The following DROSHA variants were observed in gnomAD, a reference collection of about 807,000 sequenced individuals.
DROSHA encodes the protein ribonuclease 3.
Under a neutral mutation model 181.9 loss-of-function variants are expected in DROSHA, and 56 were observed. That is an observed-to-expected ratio of 0.31 (90% CI 0.25 to 0.38). The LOEUF is 0.38. DROSHA is among the 10% of genes least tolerant of loss of function. DROSHA has a pLI of 1.00. For missense variants in DROSHA, 1,218 were observed against 1,743.5 expected (o/e 0.70, Z 5.37); for synonymous variants, 524 against 591.2 (o/e 0.89, Z 1.65).
intron 13 of DROSHA, among the ~76,000 whole-genome samples, chr5:31,490,549 T>C (rs1437190862): frequency 6.6e-6 from 1 of 152,138 alleles, no homozygotes; most frequent in Non-Finnish European, 1.5e-5. Flanking sequence ...ATGTACTACA[T>C]AAAAAGGTAA....
intron 16 of DROSHA, among the ~76,000 whole-genome samples, chr5:31,480,988 C>T (rs1750968749): frequency 6.6e-6 from 1 of 152,026 alleles, no homozygotes; most frequent in African/African-American, 2.4e-5. Flanking sequence ...TAAAAATATC[C>T]ATCTGCTCAA....
chr5:31,410,543 T>C (rs776643700), intron 31 of DROSHA, among the ~76,000 whole-genome samples: 1 of 152,184 alleles, frequency 6.6e-6, no homozygotes, highest in Non-Finnish European at 1.5e-5. Flanking sequence ...TGAACATAGA[T>C]TGAACATAAA....
intron 20 of DROSHA, among the ~76,000 whole-genome samples, chr5:31,459,432 AAAAAT>A (rs1307542463): frequency 6.6e-5 from 10 of 151,850 alleles, no homozygotes; most frequent in African/African-American, 2.4e-4. Flanking sequence ...AAAAAAAAAA[AAAAAT>A]CTCTCTCAGG....
intron 8 of DROSHA, among the ~76,000 whole-genome samples, chr5:31,511,493 G>C (rs751257661): frequency 6.6e-6 from 1 of 151,990 alleles, no homozygotes; most frequent in African/African-American, 2.4e-5. Context: ...ATTGCTCGAG[G>C]CCAGGAGTTC....
intron 20 of DROSHA, among the ~76,000 whole-genome samples, chr5:31,455,679 T>C: frequency 6.6e-6 from 1 of 151,584 alleles, no homozygotes; most frequent in East Asian, 1.9e-4. Context: ...CTCACTCTGT[T>C]ACCCAGTTTG....
At chr5:31,420,813 C>T (rs1236071274) in intron 30 of DROSHA, among the ~76,000 whole-genome samples, 1 of 152,206 alleles carries the variant, frequency 6.6e-6, no homozygotes, top group Non-Finnish European at 1.5e-5. Context: ...CTAAACTGCA[C>T]AAGTACAGCA....
intron 10 of DROSHA, among the ~76,000 whole-genome samples, chr5:31,505,463 T>A (rs549341318): frequency 1.3e-5 from 2 of 152,254 alleles, no homozygotes; most frequent in South Asian, 4.1e-4. Context: ...AAGGTCCACA[T>A]CATGCTCTGG....
At chr5:31,428,890 C>T (rs1367347145) in intron 27 of DROSHA, among the ~76,000 whole-genome samples, 1 of 152,134 alleles carries the variant, frequency 6.6e-6, no homozygotes, top group Non-Finnish European at 1.5e-5. Context: ...AAAGGTGTCT[C>T]TGGCAATATT....
chr5:31,506,800 AG>A (rs1738025848), intron 10 of DROSHA, among the ~76,000 whole-genome samples: 2 of 152,280 alleles, frequency 1.3e-5, no homozygotes, highest in South Asian at 4.1e-4. Flanking sequence ...ACGGATCTCC[AG>A]GGAAGCAGAG....
At position 31,470,667 on chromosome 5, in the gene DROSHA, A is replaced by G. The variant is rs1280778260; in HGVS notation, c.2241+1396T>C. Reference sequence around the variant, plus strand: ...AAAACTGGGCCTCACTGCCTGGAGTATATAAGGTAGCTATATCCTTAAGCC... The same window carrying G: ...AAAACTGGGCCTCACTGCCTGGAGTGTATAAGGTAGCTATATCCTTAAGCC... On this transcript the variant is annotated intron_variant, in intron 17 of 35. Coordinates refer to ENST00000344624, the MANE Select transcript of DROSHA (RefSeq NM_001382508.1). The surrounding 1 kb of genome is among the most constrained non-coding windows in gnomAD (Gnocchi z 4.0). Among the ~76,000 whole-genome samples, 4 of 152,178 alleles carry G rather than the reference A, an allele frequency of 2.6e-5. No individual in the cohort carries two copies. The highest frequency in any genetic ancestry group is 5.9e-5 in the Non-Finnish European group (4 of 68,034).
chr5:31,430,119 C>T (rs1743990461), intron 26 of DROSHA, among the ~76,000 whole-genome samples: 1 of 152,154 alleles, frequency 6.6e-6, no homozygotes, highest in Admixed American at 6.5e-5. Context: ...CAATGGAGTA[C>T]TCATATTTTC....
At chr5:31,406,672 G>A (rs1740697873) in intron 34 of DROSHA, among the ~76,000 whole-genome samples, 181 bp downstream of exon 34, 1 of 152,044 alleles carries the variant, frequency 6.6e-6, no homozygotes, top group Non-Finnish European at 1.5e-5. Context: ...CATGGTCCAG[G>A]GCTCGGCTTT....
At chr5:31,441,168 T>C (rs1232090834) in intron 23 of DROSHA, among the ~76,000 whole-genome samples, 2 of 151,716 alleles carry the variant, frequency 1.3e-5, no homozygotes, top group Non-Finnish European at 1.5e-5. Context: ...CTGTAATCCT[T>C]TGGGAGACTG....
At chr5:31,455,932 G>A (rs981101803) in intron 20 of DROSHA, among the ~76,000 whole-genome samples, 2 of 152,152 alleles carry the variant, frequency 1.3e-5, no homozygotes, top group Non-Finnish European at 2.9e-5. Flanking sequence ...GTGAGTACCT[G>A]TACCTGACCA....
intron 3 of DROSHA, 114 bp downstream of exon 3, chr5:31,530,684 C>A: frequency 3.2e-6 from 1 of 315,918 alleles, no homozygotes; most frequent in Non-Finnish European, 5.7e-6. Flanking sequence ...CAGTGATTTT[C>A]TATCCATCTA....
intron 28 of DROSHA, among the ~76,000 whole-genome samples, chr5:31,424,142 TTGG>T (rs1743150536): frequency 6.6e-6 from 1 of 152,180 alleles, no homozygotes; most frequent in Non-Finnish European, 1.5e-5. Context: ...ATATCACCTT[TTGG>T]TGGTGGTGGG....
At chr5:31,421,917 C>CGTGTGTGTGTGTGT (rs1280180021) in intron 29 of DROSHA, 68 of 75,146 alleles carry the variant, frequency 9.0e-4, no homozygotes, top group Middle Eastern at 7.9e-3. Context: ...AAAAATTAGC[C>CGTGTGTGTGTGTGT]GTGTGTGTGT....
intron 20 of DROSHA, among the ~76,000 whole-genome samples, chr5:31,453,278 C>G (rs938126189): frequency 2.0e-5 from 3 of 152,176 alleles, no homozygotes; most frequent in Non-Finnish European, 2.9e-5. Flanking sequence ...TCACTGCAGC[C>G]TCGACCTTCC....
chr5:31,418,275 G>A (rs551173562), intron 30 of DROSHA, among the ~76,000 whole-genome samples: 22 of 152,146 alleles, frequency 1.4e-4, no homozygotes, highest in African/African-American at 5.1e-4. Context: ...GACAGAGAGA[G>A]AGAGACACAG....
Sources: gnomAD v4.1 joint callset for allele counts (sites outside exome capture counted in the v4.1 genomes callset) on GRCh38, gnomAD v4.1.1 for gene constraint, Gnocchi (gnomAD v3.1) non-coding constraint, MANE v1.5 for transcripts, NCBI Gene and HGNC (gene_info 2026-07-23, HGNC 2026-07-21) for gene names.